RNF128: variants seen among roughly 807,000 people sequenced by gnomAD.
The protein encoded by RNF128 is E3 ubiquitin-protein ligase RNF128.
Under a neutral mutation model 26.2 loss-of-function variants are expected in RNF128, and 13 were observed. The observed-to-expected ratio is 0.50, with a 90% CI of 0.32 to 0.79. RNF128 has a LOEUF of 0.79. Ranked by LOEUF, RNF128 falls within the 30% of genes least tolerant of loss-of-function variation. The pLI, the probability that RNF128 is intolerant of heterozygous loss-of-function variation, is 0.03. For synonymous variants in RNF128, 149 were observed against 142.5 expected, an observed-to-expected ratio of 1.05 and a Z score of -0.32; for missense variants, 315 against 349.7, an observed-to-expected ratio of 0.90 and a Z score of 0.79.
chrX:106,774,567 T>C (rs1250959330), intron 2 of RNF128, among the ~76,000 whole-genome samples: 1 of 112,483 alleles, frequency 8.9e-6, no homozygotes, highest in East Asian at 2.8e-4. Context: ...CTTTATTCCT[T>C]TTTTTCTGTC....
At chrX:106,714,095 G>C (rs1209880202) in intron 1 of RNF128, among the ~76,000 whole-genome samples, 1 of 107,773 alleles carries the variant, frequency 9.3e-6, no homozygotes, top group Non-Finnish European at 1.9e-5. Flanking sequence ...GGAGAATGGC[G>C]TGAACCCAGG....
intron 1 of RNF128, among the ~76,000 whole-genome samples, chrX:106,696,418 G>A (rs186243923): frequency 5.9e-4 from 66 of 111,132 alleles, no homozygotes; most frequent in Non-Finnish European, 9.4e-4. Context: ...AAGGAATCAA[G>A]TGTGGATATG....
At chrX:106,734,864 T>G (rs1315046441) in intron 1 of RNF128, among the ~76,000 whole-genome samples, 1 of 112,013 alleles carries the variant, frequency 8.9e-6, no homozygotes, top group East Asian at 2.8e-4. Context: ...TATTCTCCTC[T>G]TCACTGCACT....
At chrX:106,700,636 C>A (rs971334406) in intron 1 of RNF128, among the ~76,000 whole-genome samples, 1 of 111,703 alleles carries the variant, frequency 9.0e-6, no homozygotes, top group Non-Finnish European at 1.9e-5. Context: ...AACAATATAA[C>A]TAAAGTCTCC....
rs140265268 is a variant in RNF128, at chrX:106,781,231, A to T, written c.733-3834A>T. On this transcript the variant is annotated intron_variant, in intron 2 of 6. Transcript: ENST00000255499. ...CTGAACAAGATAAGAGGTGGAAATA[A>T]TGTGTTACTGGAATTTATAGACTAA... Among the ~76,000 whole-genome samples, 23 of 111,986 alleles carry T rather than the reference A, an allele frequency of 2.1e-4. No individual in the cohort carries two copies. In the East Asian group the frequency reaches 6.5e-3, roughly 31 times the overall value.
chrX:106,702,623 TATATCTG>T (rs1250667208), intron 1 of RNF128, among the ~76,000 whole-genome samples: 1 of 112,188 alleles, frequency 8.9e-6, no homozygotes, highest in East Asian at 2.8e-4. Flanking sequence ...ATAAACAAAT[TATATCTG>T]TTTCTGTCTA....
intron 1 of RNF128, among the ~76,000 whole-genome samples, chrX:106,748,984 A>G (rs1024918561): frequency 1.8e-5 from 2 of 112,224 alleles, no homozygotes; most frequent in Admixed American, 9.5e-5. Context: ...TATCACATTT[A>G]TCACAAAAAT....
At chrX:106,697,255 G>C (rs1191852989) in intron 1 of RNF128, among the ~76,000 whole-genome samples, 1 of 111,946 alleles carries the variant, frequency 8.9e-6, no homozygotes, top group Non-Finnish European at 1.9e-5. Context: ...ACCCTTATTA[G>C]CCAGAATAGA....
chrX:106,709,252 C>G (rs142712538), intron 1 of RNF128, among the ~76,000 whole-genome samples: 4,994 of 111,135 alleles, frequency 0.045, 286 homozygotes, highest in African/African-American at 0.16. Context: ...AAAAGAATAT[C>G]CCCATTGCTC....
intron 1 of RNF128, among the ~76,000 whole-genome samples, chrX:106,763,360 A>G (rs183538954): frequency 9.9e-5 from 11 of 111,581 alleles, no homozygotes; most frequent in African/African-American, 3.6e-4. Context: ...TTCTGAGGTT[A>G]CTAAACTAGG....
chrX:106,795,802 A>G lies in RNF128; in HGVS notation c.*89A>G. The G allele has an allele frequency of 3.8e-6, 3 of 799,437 alleles. No homozygotes were observed. The highest frequency in any genetic ancestry group is 3.4e-5 in the East Asian group (1 of 29,248). 65.9% of individuals were successfully genotyped at this position (799,437 alleles called of 1,213,427 possible). ...TCTATTAATAAATTGGATAAATTTA[A>G]TAAAATAAGAGTGATACTGAAAGTG... is the stretch of plus-strand genomic sequence containing the variant. On this transcript the variant is annotated 3_prime_UTR_variant, in exon 7 of 7. Transcript: ENST00000255499.
rs766820481 is a variant in RNF128, at chrX:106,706,213, G to T, written c.406+11805G>T. The stretch of plus-strand genomic sequence containing the variant: ...CAAGGGTAGCTTTGCAGTGTGGCTA[G>T]GAGGAAATCTCTTAGGGAGAGCAAG... On this transcript the variant is annotated intron_variant, in intron 1 of 6. Transcript: ENST00000324342. Among the ~76,000 whole-genome samples the T allele has an allele frequency of 2.7e-5, 3 of 111,481 alleles. No individual in the cohort carries two copies. In the East Asian group the frequency reaches 8.5e-4, roughly 32 times the overall value.
At chrX:106,740,215 T>C (rs1381975588) in intron 1 of RNF128, among the ~76,000 whole-genome samples, 2 of 111,278 alleles carry the variant, frequency 1.8e-5, no homozygotes, top group Non-Finnish European at 3.8e-5. Context: ...TTAGCCTCTG[T>C]TGTTGTTGTT....
chrX:106,734,334 A>G (rs1384983802), intron 1 of RNF128, among the ~76,000 whole-genome samples: 1 of 111,745 alleles, frequency 8.9e-6, no homozygotes, highest in East Asian at 2.8e-4. Context: ...TGCATTGCCT[A>G]TTGTGGCCTT....
Position 106,785,117 on chromosome X carries a change from C to T in RNF128, c.785C>T (p.Thr262Ile), listed in dbSNP as rs1161993291. ...GCTATTGGAAGGCTTCAACTACGCACACTGAAACAAGGAGACAAGGTACAT... is the reference window on the plus strand; with the variant it reads ...GCTATTGGAAGGCTTCAACTACGCATACTGAAACAAGGAGACAAGGTACAT... ...KKAIGRLQLR[T>I]LKQGDKEIGP... is the part of the protein sequence containing the mutation. Residue 262 changes from threonine (T) to isoleucine (I), a missense_variant, in exon 3 of 7, where the codon ACA (threonine) becomes ATA (isoleucine). Coordinates refer to ENST00000255499, the MANE Select transcript of RNF128 (RefSeq NM_194463.2). The T allele has an allele frequency of 1.7e-6, 2 of 1,183,820 alleles. No individual in the cohort carries two copies. The highest frequency in any genetic ancestry group is 3.0e-5 in the East Asian group (1 of 33,285).
Position 106,727,019 on chromosome X carries a change from TCCCGGGGGGCTGAAG to T in RNF128, c.108_122del (p.Arg37_Ala41del). ...GGCCCTGAGTCCGCAGGCACCCGGT[TCCCGGGGGGCTGAAG>T]CAGTGTGGACCGCGTACCTCAACGT... is the stretch of plus-strand genomic sequence containing the variant. On this transcript the variant is annotated inframe_deletion, in exon 1 of 7. Transcript: ENST00000255499. 8.3e-7 allele frequency: 1 copy of T among 1,206,068 alleles called. No homozygotes were observed. The highest frequency in any genetic ancestry group is 1.1e-6 in the Non-Finnish European group (1 of 893,256).
At chrX:106,698,803 T>G (rs966993730) in intron 1 of RNF128, among the ~76,000 whole-genome samples, 17 of 111,041 alleles carry the variant, frequency 1.5e-4, no homozygotes, top group African/African-American at 3.9e-4. Flanking sequence ...ACACTCAGGG[T>G]AAATTCAAAC....
chrX:106,703,995 G>T (rs966252602), intron 1 of RNF128, among the ~76,000 whole-genome samples: 1 of 110,048 alleles, frequency 9.1e-6, no homozygotes, highest in African/African-American at 3.3e-5. Context: ...GGGTGAAAAG[G>T]ATGGCTGTGA....
At chrX:106,764,245 G>A (rs529249317) in intron 1 of RNF128, among the ~76,000 whole-genome samples, 8 of 110,446 alleles carry the variant, frequency 7.2e-5, no homozygotes, top group African/African-American at 2.6e-4. Context: ...AATTACAGGC[G>A]TGAGCCACCA....
Sources: allele counts gnomAD v4.1 joint callset (sites outside exome capture counted in the v4.1 genomes callset), GRCh38; gene constraint gnomAD v4.1.1; transcripts MANE v1.5; gene names NCBI Gene and HGNC (gene_info 2026-07-23, HGNC 2026-07-21).